The following SHOX variants were observed in gnomAD, a reference collection of about 807,000 sequenced individuals.
SHOX encodes short stature homeobox protein.
A neutral mutation model predicts 29.6 loss-of-function variants in SHOX; 12 were observed. The observed-to-expected ratio is 0.41, with a 90% CI of 0.26 to 0.66. SHOX has a LOEUF of 0.66. Ranked by LOEUF, SHOX falls within the 30% of genes least tolerant of loss-of-function variation. The probability of loss-of-function intolerance (pLI) is 0.35; values close to 1 mark genes in which losing one functional copy is unlikely to be tolerated. For synonymous variants in SHOX, 214 were observed against 200.6 expected (o/e 1.07, Z -0.57); for missense variants, 499 against 437.7 (o/e 1.14, Z -1.25).
chrX:642,922 G>A (rs2052882658), intron 4 of SHOX, among the ~76,000 whole-genome samples: 1 of 150,758 alleles, frequency 6.6e-6, no homozygotes, highest in Non-Finnish European at 1.5e-5. Context: ...GAGGCTTGGG[G>A]ACCTGGTGAC....
downstream of SHOX, among the ~76,000 whole-genome samples, chrX:653,927 A>G (rs1177819167): frequency 6.6e-6 from 1 of 152,190 alleles, no homozygotes; most frequent in African/African-American, 2.4e-5. Context: ...CGTTAAAAAA[A>G]AAAAGTTGTT....
chrX:626,750 AC>A (rs1482734920), upstream of SHOX, among the ~76,000 whole-genome samples: 13 of 92,322 alleles, frequency 1.4e-4, no homozygotes, highest in Admixed American at 1.1e-3. Flanking sequence ...CTGTGTCTCT[AC>A]CTCTGTCTCT....
Position 649,970 on chromosome X carries a change from T to C in SHOX, c.*5334T>C, listed in dbSNP as rs921293058. 2.2e-6 allele frequency: 1 copy of C among 455,952 alleles called. No individual in the cohort carries two copies. The highest frequency in any genetic ancestry group is 2.0e-5 in the African/African-American group (1 of 50,072). 28.2% of individuals were successfully genotyped at this position (455,952 alleles called of 1,614,324 possible). On this transcript the variant is annotated 3_prime_UTR_variant, in exon 5 of 5. Transcript: ENST00000686671. The stretch of plus-strand genomic sequence containing the variant: ...CCACAGGGAGAAGGAATTGGATGTA[T>C]CGGATGTTGCTATTAGATTTTCTTT...
intron 4 of SHOX, among the ~76,000 whole-genome samples, chrX:642,602 G>C (rs181103868): frequency 1.3e-5 from 2 of 152,204 alleles, no homozygotes. Flanking sequence ...GTGGGGGAAC[G>C]AGCCTACTTC....
chrX:631,754 A>G (rs1397037679), intron 1 of SHOX: 1 of 381,314 alleles, frequency 2.6e-6, no homozygotes, highest in Non-Finnish European at 5.3e-6. Flanking sequence ...CTGGTCTCGA[A>G]CTCCTGACCT....
At chrX:636,970 A>ATATATATATATATATATTTTTTT (rs1458275715) in intron 2 of SHOX, among the ~76,000 whole-genome samples, 7 of 137,346 alleles carry the variant, frequency 5.1e-5, no homozygotes, top group African/African-American at 1.9e-4. Context: ...ATATATATAT[A>ATATATATATATATATATTTTTTT]TTTTGGCTCC....
At chrX:656,530 G>A (rs866649683), downstream of SHOX, among the ~76,000 whole-genome samples, 2 of 152,260 alleles carry the variant, frequency 1.3e-5, no homozygotes, top group East Asian at 3.9e-4. Flanking sequence ...AACAAAGTGA[G>A]ATCTTGTTTC....
intron 3 of SHOX, 59 bp downstream of exon 3, chrX:640,937 G>A: frequency 1.2e-6 from 2 of 1,613,342 alleles, no homozygotes; most frequent in Non-Finnish European, 8.5e-7. Flanking sequence ...GAGGGATGGG[G>A]TCGACGAGGT....
intron 2 of SHOX, among the ~76,000 whole-genome samples, chrX:638,367 C>T (rs2124177401): frequency 6.6e-6 from 1 of 152,014 alleles, no homozygotes; most frequent in African/African-American, 2.4e-5. Flanking sequence ...GGGTGGCTGG[C>T]TTGCTTTCTG....
intron 4 of SHOX, among the ~76,000 whole-genome samples, chrX:642,272 G>A (rs1238832046): frequency 2.6e-5 from 4 of 152,052 alleles, no homozygotes; most frequent in East Asian, 1.9e-4. Flanking sequence ...TTTGGGGGTC[G>A]GGAGTGCATG....
intron 2 of SHOX, among the ~76,000 whole-genome samples, chrX:638,100 C>T (rs2052788089): frequency 6.6e-6 from 1 of 152,032 alleles, no homozygotes; most frequent in Non-Finnish European, 1.5e-5. Flanking sequence ...GGAAAGAAAG[C>T]GGGGAGTGCT....
At chrX:636,169 AAATG>A in intron 2 of SHOX, among the ~76,000 whole-genome samples, 1 of 147,756 alleles carries the variant, frequency 6.8e-6, no homozygotes, top group African/African-American at 2.5e-5. Flanking sequence ...AAACATACAT[AAATG>A]TATGTAAATA....
chrX:629,741 C>T (rs1384592258), upstream of SHOX, among the ~76,000 whole-genome samples: 11 of 152,110 alleles, frequency 7.2e-5, no homozygotes, highest in Non-Finnish European at 1.2e-4. Flanking sequence ...GAAGGGGACT[C>T]CGGGCCTCCT....
At chrX:657,581 C>A (rs1395200840) in intron 5 of SHOX, among the ~76,000 whole-genome samples, 3 of 152,122 alleles carry the variant, frequency 2.0e-5, no homozygotes, top group Non-Finnish European at 4.4e-5. Context: ...GGTGAATTAA[C>A]AGGATGTATG....
At chrX:634,017 G>A (rs1402364551) in intron 1 of SHOX, among the ~76,000 whole-genome samples, 1 of 152,234 alleles carries the variant, frequency 6.6e-6, no homozygotes, top group Non-Finnish European at 1.5e-5. Context: ...AAAGTGGGAA[G>A]GAGAGATTTC....
rs975660400 is a variant in SHOX at position 643,555 on chromosome X, G to A, written c.634-836G>A. On this transcript the variant is annotated intron_variant, in intron 4 of 4. Coordinates refer to ENST00000686671, the MANE Select transcript of SHOX (RefSeq NM_000451.4). ...CTCGGGAGTGCCTTGGGGACCTAGTGACCCGGGAGAGGCTTGGGGACCTGG... is the reference window on the plus strand; with the variant it reads ...CTCGGGAGTGCCTTGGGGACCTAGTAACCCGGGAGAGGCTTGGGGACCTGG... Among the ~76,000 whole-genome samples, 166 of 140,796 alleles carry A rather than the reference G, an allele frequency of 1.2e-3. 4 individuals are homozygous for A. The Middle Eastern group carries it at 0.018, about 15-fold the overall frequency. The allele number at this position is 140,796 out of a possible 152,430, so 92.4% of individuals were successfully genotyped here. A position where few individuals can be genotyped will look rare whatever the true frequency, so the allele number is the denominator to read the frequency against.
intron 2 of SHOX, 133 bp downstream of exon 2, chrX:634,959 G>C (rs1184415917): frequency 1.5e-5 from 14 of 937,900 alleles, no homozygotes. Context: ...TTGGGTGAGG[G>C]ACGGGCTGGG....
At chrX:640,682 G>T in intron 2 of SHOX, 139 bp from the exon 3 acceptor site, 1 of 873,244 alleles carries the variant, frequency 1.1e-6, no homozygotes, top group Admixed American at 1.9e-5. Context: ...GGCGGTAAGT[G>T]TCTGGGCGCC....
rs1383594673 is a variant in SHOX at position 630,858 on chromosome X, A to G, written c.-40A>G. The G allele has an allele frequency of 6.2e-7, 1 of 1,610,588 alleles. No individual in the cohort carries two copies. Among genetic ancestry groups the G allele is most frequent in the Non-Finnish European group, 8.5e-7 (1 of 1,178,890 alleles). On this transcript the variant is annotated 5_prime_UTR_variant, in exon 1 of 5. Coordinates refer to ENST00000686671, the MANE Select transcript of SHOX (RefSeq NM_000451.4). ...CCTCTCCGCGCGGGGAGACGCGCGCATCCACCAGCCCCGGCTGCTCGCCAG... is the reference window on the plus strand; with the variant it reads ...CCTCTCCGCGCGGGGAGACGCGCGCGTCCACCAGCCCCGGCTGCTCGCCAG...
Sources: gnomAD v4.1 joint callset for allele counts (sites outside exome capture counted in the v4.1 genomes callset) on GRCh38, gnomAD v4.1.1 for gene constraint, MANE v1.5 for transcripts, NCBI Gene and HGNC (gene_info 2026-07-23, HGNC 2026-07-21) for gene names.